Variants in ZNF302 observed in about 807,000 individuals in gnomAD.
ZNF302 encodes the protein zinc finger protein 327.
ZNF302 carries 12 observed loss-of-function variants against 10.8 expected under a neutral mutation model. The ratio of observed to expected loss-of-function variants is 1.11; its 90% CI spans 0.71 to 1.79. The LOEUF is 1.79. ZNF302 is among the 40% of genes most tolerant of loss of function. The pLI, the probability that ZNF302 is intolerant of heterozygous loss-of-function variation, is 0.00. For missense variants in ZNF302, 461 were observed against 471.1 expected (o/e 0.98, Z 0.20); for synonymous variants, 178 against 157.5 (o/e 1.13, Z -0.98).
At chr19:34,683,880 C>T (rs2068489386) in intron 4 of ZNF302, 1 of 938,908 alleles carries the variant, frequency 1.1e-6, no homozygotes, top group Non-Finnish European at 1.4e-6. Flanking sequence ...CAAAATGCAA[C>T]CTTTCCCACA....
intron 2 of ZNF302, chr19:34,681,708 T>A (rs943302123): frequency 6.6e-6 from 1 of 152,246 alleles, no homozygotes; most frequent in Admixed American, 6.5e-5. Flanking sequence ...TAATGCTCTT[T>A]CCTGCCACTC....
chr19:34,683,312 A>T (rs2068459007), intron 4 of ZNF302, 74 bp downstream of exon 4: 1 of 1,554,332 alleles, frequency 6.4e-7, no homozygotes, highest in Non-Finnish European at 8.9e-7. Flanking sequence ...TGAGTGTGGA[A>T]GCATTTTAGG....
chr19:34,681,940 C>A (rs979121571), intron 2 of ZNF302: 1 of 151,948 alleles, frequency 6.6e-6, no homozygotes, highest in African/African-American at 2.4e-5. Flanking sequence ...TGTTTTAGTC[C>A]ATTTGTGCTG....
In ZNF302 at chr19:34,685,008, A is replaced by C. The variant is rs1600113714; in HGVS notation, c.971A>C (p.His324Pro). 6.2e-7 allele frequency: 1 copy of C among 1,613,928 alleles called. No homozygotes were observed. The highest frequency in any genetic ancestry group is 8.5e-7 in the Non-Finnish European group (1 of 1,179,932). Residue 324 changes from histidine to proline, a missense_variant, in exon 5 of 5, where the codon CAT (histidine) becomes CCT (proline). Coordinates refer to ENST00000505242, the MANE Select transcript of ZNF302 (RefSeq NM_001289187.2). ...ECRICGKAFI[H>P]SSSLIHHQKS... ...CGTATATGTGGAAAGGCCTTCATTC[A>C]TAGTTCGTCTCTCATTCACCATCAG...
In ZNF302 at chr19:34,685,284, T is replaced by A. The variant is rs1385086666; in HGVS notation, c.*47T>A. The A allele has an allele frequency of 6.2e-7, 1 of 1,613,776 alleles. No individual in the cohort carries two copies. Among genetic ancestry groups the A allele is most frequent in the African/African-American group, 1.3e-5 (1 of 74,912 alleles). On this transcript the variant is annotated 3_prime_UTR_variant, in exon 5 of 5. Coordinates refer to ENST00000505242, the MANE Select transcript of ZNF302 (RefSeq NM_001289187.2). Reference sequence around the variant, plus strand: ...CAGCTTGAATCACTGAATATGCATTTGAGAAATCACATTAGATTGAAACCC... The same window carrying A: ...CAGCTTGAATCACTGAATATGCATTAGAGAAATCACATTAGATTGAAACCC...
upstream of ZNF302, chr19:34,677,362 C>A (rs1168984263): frequency 1.3e-5 from 2 of 152,222 alleles, no homozygotes; most frequent in African/African-American, 4.8e-5. Flanking sequence ...AATGTAATTT[C>A]TTGGTCCGGG....
At chr19:34,684,162 T>C (rs1255645700) in intron 4 of ZNF302, 90 bp from the exon 5 acceptor site, 3 of 1,090,336 alleles carry the variant, frequency 2.8e-6, no homozygotes, top group African/African-American at 4.2e-5. Flanking sequence ...AGAAGCTTTT[T>C]TCAAGAAGTA....
In ZNF302 at chr19:34,682,765, T is replaced by C; in HGVS notation, c.10-12T>C. ...GGGCTATGGCTGAGCCTAAATATATTTGCTATTTCAGGTGACATTTAGTGA... is the reference window on the plus strand; with the variant it reads ...GGGCTATGGCTGAGCCTAAATATATCTGCTATTTCAGGTGACATTTAGTGA... On this transcript the variant is annotated splice_polypyrimidine_tract_variant and intron_variant, in intron 2 of 4. Transcript: ENST00000505242. The C allele has an allele frequency of 1.2e-6, 2 of 1,613,218 alleles. No individual in the cohort carries two copies. The highest frequency in any genetic ancestry group is 1.7e-6 in the Non-Finnish European group (2 of 1,179,470).
chr19:34,684,005 T>C, intron 4 of ZNF302: 6 of 1,472,402 alleles, frequency 4.1e-6, no homozygotes, highest in Non-Finnish European at 5.4e-6. Flanking sequence ...ACCCATTTCC[T>C]TTATCACACT....
chr19:34,680,687 C>G (rs964093770), intron 2 of ZNF302, among the ~76,000 whole-genome samples: 1 of 152,134 alleles, frequency 6.6e-6, no homozygotes, highest in Non-Finnish European at 1.5e-5. Context: ...ATCCCTGGCT[C>G]TAAGTTGTAA....
Position 34,684,172 on chromosome 19 carries a change from A to T in ZNF302, c.215-80A>T, listed in dbSNP as rs750030989. 3.2e-4 allele frequency: 46 copies of T among 144,056 alleles called. No homozygotes were observed. In the South Asian group the frequency reaches 6.3e-3, roughly 20 times the overall value. 8.9% of individuals were successfully genotyped at this position (144,056 alleles called of 1,614,324 possible). On this transcript the variant is annotated intron_variant, in intron 4 of 4. Transcript: ENST00000505242. ...ACTGTAGAAGCTTTTTTCAAGAAGT[A>T]AAAAAAAAAAAAAAAAAAAAAAAAA... is the stretch of plus-strand genomic sequence containing the variant.
chr19:34,684,103 G>T, intron 4 of ZNF302, 149 bp from the exon 5 acceptor site: 1 of 1,410,036 alleles, frequency 7.1e-7, no homozygotes, highest in Non-Finnish European at 9.3e-7. Flanking sequence ...TCAGAACTAT[G>T]TGTTTTCTGG....
Position 34,685,015 on chromosome 19 carries a change from GTC to G in ZNF302, c.983_984del (p.Leu328HisfsTer14), listed in dbSNP as rs748239385. The G allele has an allele frequency of 8.7e-6, 14 of 1,613,494 alleles. No individual in the cohort carries two copies. The highest frequency in any genetic ancestry group is 1.1e-5 in the Non-Finnish European group (13 of 1,179,820). On this transcript the variant is annotated frameshift_variant, in exon 5 of 5. Transcript: ENST00000505242. LOFTEE classifies it low-confidence loss of function (END_TRUNC). ...GTGGAAAGGCCTTCATTCATAGTTC[GTC>G]TCTCATTCACCATCAGAAAAGCCAT... ...ICGKAFIHSSSLIHHQKSHTG... is the reference protein window; with the variant it reads ...ICGKAFIHSSXLIHHQKSHTG...
In ZNF302 at chr19:34,685,611, C is replaced by A; in HGVS notation, c.*374C>A. The A allele has an allele frequency of 8.8e-7, 1 of 1,136,116 alleles. No homozygotes were observed. The highest frequency in any genetic ancestry group is 1.3e-6 in the Non-Finnish European group (1 of 761,694). 70.4% of individuals were successfully genotyped at this position (1,136,116 alleles called of 1,614,324 possible). A position where few individuals can be genotyped will look rare whatever the true frequency, so the allele number is the denominator to read the frequency against. ...CCTTTAGATCATATGAATCCCTATA[C>A]ATGTGAGAAATCTTACAGAAGAGAA... On this transcript the variant is annotated 3_prime_UTR_variant, in exon 5 of 5. Transcript: ENST00000505242.
rs2068623371 is a variant in ZNF302, at chr19:34,685,658, T to C, written c.*421T>C. Reference sequence around the variant, plus strand: ...AGAAGCAGTGTTTATCACGGTAAACTTCATTCATAGATCCTCCCTTATTTA... The same window carrying C: ...AGAAGCAGTGTTTATCACGGTAAACCTCATTCATAGATCCTCCCTTATTTA... On this transcript the variant is annotated 3_prime_UTR_variant, in exon 5 of 5. Coordinates refer to ENST00000505242, the MANE Select transcript of ZNF302 (RefSeq NM_001289187.2). 2 of 802,616 alleles carry C rather than the reference T, an allele frequency of 2.5e-6. No individual in the cohort carries two copies. Among genetic ancestry groups the C allele is most frequent in the South Asian group, 3.4e-5 (2 of 58,146 alleles). The allele number at this position is 802,616 out of a possible 1,614,324, so 49.7% of individuals were successfully genotyped here.
chr19:34,684,147 A>G (rs1349901982), intron 4 of ZNF302, 105 bp from the exon 5 acceptor site: 7 of 1,347,502 alleles, frequency 5.2e-6, no homozygotes, highest in Middle Eastern at 2.3e-4. Flanking sequence ...TCCTAATTCC[A>G]CTGTAGAAGC....
intron 2 of ZNF302, among the ~76,000 whole-genome samples, chr19:34,680,530 C>T (rs2068288766): frequency 6.6e-6 from 1 of 151,868 alleles, no homozygotes; most frequent in Non-Finnish European, 1.5e-5. Flanking sequence ...CTAGTGGCTC[C>T]TGTATTGAAG....
At chr19:34,683,046 C>T (rs145547047) in intron 3 of ZNF302, 109 bp from the exon 4 acceptor site, 3 of 1,573,470 alleles carry the variant, frequency 1.9e-6, no homozygotes, top group Non-Finnish European at 1.7e-6. Flanking sequence ...TAAAGCTTAT[C>T]TTTCCATTTC....
chr19:34,685,144 T>C lies in ZNF302; in HGVS notation c.1107T>C (p.Tyr369=), dbSNP rs756290933. 1.4e-5 allele frequency: 23 copies of C among 1,610,950 alleles called. No homozygotes were observed. Among genetic ancestry groups the C allele is most frequent in the South Asian group, 3.3e-5 (3 of 90,464 alleles). Residue 369 remains tyrosine, a synonymous_variant, in exon 5 of 5, where the codon TAT becomes TAC. Coordinates refer to ENST00000505242, the MANE Select transcript of ZNF302 (RefSeq NM_001289187.2). ...GAATTCACAGTATGAAGAAAAAATA[T>C]GAATGCAACAAATGTCTCAAGGTCT... ...HQRIHSMKKK[Y]ECNKCLKVFS...
Sources: gnomAD v4.1 joint callset for allele counts (sites outside exome capture counted in the v4.1 genomes callset) on GRCh38, gnomAD v4.1.1 for gene constraint, MANE v1.5 for transcripts, NCBI Gene and HGNC (gene_info 2026-07-23, HGNC 2026-07-21) for gene names.